Variants in DTD1 observed in about 807,000 individuals in gnomAD.
DTD1 encodes the protein D-tyrosyl-tRNA deacylase 1 homolog.
A neutral mutation model predicts 25.6 loss-of-function variants in DTD1; 13 were observed. The ratio of observed to expected loss-of-function variants is 0.51; its 90% CI spans 0.33 to 0.81. The LOEUF (loss-of-function observed/expected upper bound fraction) is 0.81, where lower values mean the gene tolerates loss of function less well. Among genes scored for constraint, DTD1 ranks in the 30% least tolerant of loss-of-function variants. The probability of loss-of-function intolerance (pLI) is 0.02; values close to 1 mark genes in which losing one functional copy is unlikely to be tolerated. For missense variants in DTD1, 193 were observed against 266.4 expected, an observed-to-expected ratio of 0.72 and a Z score of 1.92; for synonymous variants, 110 against 103.6, an observed-to-expected ratio of 1.06 and a Z score of -0.37.
intron 4 of DTD1, among the ~76,000 whole-genome samples, chr20:18,666,915 G>C (rs1449834304): frequency 6.6e-6 from 1 of 152,124 alleles, no homozygotes; most frequent in Non-Finnish European, 1.5e-5. Flanking sequence ...CAAGGGATTT[G>C]TACCGAATTT....
chr20:18,714,145 G>A (rs2061170660), intron 4 of DTD1, among the ~76,000 whole-genome samples: 1 of 152,210 alleles, frequency 6.6e-6, no homozygotes, highest in African/African-American at 2.4e-5. Context: ...AGAAAGGGGA[G>A]TCTATTAGGT....
intron 3 of DTD1, among the ~76,000 whole-genome samples, chr20:18,614,258 G>A (rs2060700064): frequency 6.6e-6 from 1 of 152,118 alleles, no homozygotes; most frequent in African/African-American, 2.4e-5. Flanking sequence ...TAAGTCCTGG[G>A]CAAACTAGGA....
chr20:18,591,950 G>T (rs1414896587), intron 1 of DTD1, among the ~76,000 whole-genome samples: 1 of 152,146 alleles, frequency 6.6e-6, no homozygotes, highest in Non-Finnish European at 1.5e-5. Flanking sequence ...CAGAAGAAAA[G>T]ATTTAAAAAA....
chr20:18,728,571 C>G (rs528505860), intron 4 of DTD1, among the ~76,000 whole-genome samples: 1 of 152,240 alleles, frequency 6.6e-6, no homozygotes, highest in Non-Finnish European at 1.5e-5. Flanking sequence ...CCAAACAGGT[C>G]GTTGCTCCTC....
intron 4 of DTD1, chr20:18,632,218 T>C (rs538864476): frequency 1.6e-4 from 160 of 985,458 alleles, no homozygotes; most frequent in Non-Finnish European, 1.9e-4. Context: ...ACGAGCCATG[T>C]TAACTTATAA....
At chr20:18,646,565 C>T (rs114060113) in intron 4 of DTD1, among the ~76,000 whole-genome samples, 1,730 of 152,274 alleles carry the variant, frequency 0.011, 28 homozygotes, top group African/African-American at 0.038. Flanking sequence ...GGCAGGACTC[C>T]TACTAAGTGA....
chr20:18,593,110 T>C (rs1317053418), intron 1 of DTD1, among the ~76,000 whole-genome samples: 2 of 152,006 alleles, frequency 1.3e-5, no homozygotes, highest in Admixed American at 6.6e-5. Flanking sequence ...ATGGACAAGA[T>C]GCATGATTGA....
At chr20:18,723,135 T>C (rs915907153) in intron 4 of DTD1, among the ~76,000 whole-genome samples, 4 of 152,230 alleles carry the variant, frequency 2.6e-5, no homozygotes, top group Admixed American at 6.5e-5. Flanking sequence ...TGGAAGGGGC[T>C]GTCCTGTGCG....
chr20:18,657,952 G>C (rs1286278873), intron 4 of DTD1, among the ~76,000 whole-genome samples: 1 of 152,144 alleles, frequency 6.6e-6, no homozygotes, highest in Non-Finnish European at 1.5e-5. Context: ...ACAGAGGTCA[G>C]CCTTACTCAG....
In DTD1 at chr20:18,649,555, T is replaced by C. The variant is rs536148715; in HGVS notation, c.477+21322T>C. On this transcript the variant is annotated intron_variant, in intron 4 of 5. Coordinates refer to ENST00000377452, the MANE Select transcript of DTD1 (RefSeq NM_080820.6). ...GGTTTCACTGTGTTAGCCAGGATGG[T>C]CTCAATCTCCTGACCTCGTGATCCG... is the stretch of plus-strand genomic sequence containing the variant. Among the ~76,000 whole-genome samples the C allele has an allele frequency of 2.6e-5, 4 of 151,960 alleles. No individual in the cohort carries two copies. In the East Asian group the frequency reaches 5.8e-4, roughly 22 times the overall value.
At chr20:18,710,789 C>T (rs1039178632) in intron 4 of DTD1, among the ~76,000 whole-genome samples, 7 of 152,150 alleles carry the variant, frequency 4.6e-5, no homozygotes, top group Non-Finnish European at 2.9e-5. Flanking sequence ...GCCTCTGGCC[C>T]TGGATGATAG....
chr20:18,681,278 T>C (rs185126178), intron 4 of DTD1, among the ~76,000 whole-genome samples: 67 of 152,326 alleles, frequency 4.4e-4, no homozygotes, highest in African/African-American at 1.5e-3. Flanking sequence ...TGGGACACTT[T>C]ATAAGCAACT....
chr20:18,648,146 G>A (rs1463178272), intron 4 of DTD1, among the ~76,000 whole-genome samples: 1 of 152,216 alleles, frequency 6.6e-6, no homozygotes, highest in East Asian at 1.9e-4. Context: ...ACGGGTATAG[G>A]AAGCTGGTGC....
chr20:18,664,823 C>A (rs897511417), intron 4 of DTD1, among the ~76,000 whole-genome samples: 1 of 152,006 alleles, frequency 6.6e-6, no homozygotes, highest in African/African-American at 2.4e-5. Flanking sequence ...AGTTTAGGGG[C>A]CCTGCAGGCC....
intron 1 of DTD1, chr20:18,592,628 AAAAC>A (rs911837400): frequency 6.6e-6 from 1 of 151,002 alleles, no homozygotes; most frequent in African/African-American, 2.5e-5. Flanking sequence ...CTTAAAAAGA[AAAAC>A]AAATGAAAAA....
chr20:18,732,183 G>C (rs868556484), intron 4 of DTD1, among the ~76,000 whole-genome samples: 23 of 152,140 alleles, frequency 1.5e-4, no homozygotes, highest in African/African-American at 5.3e-4. Context: ...GAGGAAAAAT[G>C]GTTCTCTTTT....
At chr20:18,658,237 C>G (rs971873774) in intron 4 of DTD1, among the ~76,000 whole-genome samples, 1 of 148,672 alleles carries the variant, frequency 6.7e-6, no homozygotes, top group East Asian at 2.0e-4. Flanking sequence ...GTTTCCCCCA[C>G]CCCTGTGTGT....
At chr20:18,603,668 G>A (rs144405361) in intron 3 of DTD1, among the ~76,000 whole-genome samples, 30,875 of 101,990 alleles carry the variant, frequency 0.3, 6,331 homozygotes, top group Middle Eastern at 0.37. Context: ...CTGCTCCTGA[G>A]TGACTACCGG....
chr20:18,616,396 C>T (rs1440050840), intron 3 of DTD1, among the ~76,000 whole-genome samples: 2 of 152,258 alleles, frequency 1.3e-5, no homozygotes, highest in South Asian at 2.1e-4. Flanking sequence ...CCTGTCTTTT[C>T]GTGATTTCAT....
Sources: allele counts gnomAD v4.1 joint callset (sites outside exome capture counted in the v4.1 genomes callset), GRCh38; gene constraint gnomAD v4.1.1; transcripts MANE v1.5; gene names NCBI Gene and HGNC (gene_info 2026-07-23, HGNC 2026-07-21).